The following NOL4L variants were observed in gnomAD, a reference collection of about 807,000 sequenced individuals.
NOL4L encodes the protein nucleolar protein 4-like.
Under a neutral mutation model 64.5 loss-of-function variants are expected in NOL4L, and 7 were observed. The ratio of observed to expected loss-of-function variants is 0.11; its 90% CI spans 0.06 to 0.20. The LOEUF (loss-of-function observed/expected upper bound fraction) is 0.20. Among genes scored for constraint, NOL4L ranks in the 10% least tolerant of loss-of-function variants. The pLI, the probability that NOL4L is intolerant of heterozygous loss-of-function variation, is 1.00. For synonymous variants in NOL4L, 413 were observed against 401.0 expected (o/e 1.03, Z -0.36); for missense variants, 680 against 967.1 (o/e 0.70, Z 3.94).
intron 1 of NOL4L, among the ~76,000 whole-genome samples, chr20:32,567,605 C>T (rs1979506268): frequency 6.6e-6 from 1 of 152,182 alleles, no homozygotes; most frequent in Non-Finnish European, 1.5e-5. Context: ...GGCAGGTGGC[C>T]ATAGCTGGGA....
At chr20:32,449,787 G>T (rs79796556) in intron 10 of NOL4L, 3 of 152,340 alleles carry the variant, frequency 2.0e-5, no homozygotes, top group African/African-American at 7.2e-5. Context: ...AGAGGGATGC[G>T]GGGGAAGAGG....
At position 32,452,454 on chromosome 20, in the gene NOL4L, G is replaced by A. The variant is rs1453284408; in HGVS notation, c.1621-17C>T. The A allele has an allele frequency of 6.5e-7, 1 of 1,543,636 alleles. No homozygotes were observed. Among genetic ancestry groups the A allele is most frequent in the Non-Finnish European group, 8.7e-7 (1 of 1,144,506 alleles). Reference sequence around the variant, plus strand: ...GGGCTCATCCTGCAGAGGGGAGAGGGGGGCGCTGGGGAAACCAAGGGGCAG... The same window carrying A: ...GGGCTCATCCTGCAGAGGGGAGAGGAGGGCGCTGGGGAAACCAAGGGGCAG... On this transcript the variant is annotated splice_polypyrimidine_tract_variant and intron_variant, in intron 9 of 10. Transcript: ENST00000621426.
chr20:32,553,185 G>C (rs1166587986), intron 1 of NOL4L, among the ~76,000 whole-genome samples: 1 of 152,046 alleles, frequency 6.6e-6, no homozygotes, highest in East Asian at 1.9e-4. Flanking sequence ...ACCCCACCAT[G>C]GGCACCATTC....
intron 1 of NOL4L, among the ~76,000 whole-genome samples, chr20:32,551,820 ACT>A (rs1486311716): frequency 1.3e-5 from 2 of 152,006 alleles, no homozygotes; most frequent in Non-Finnish European, 2.9e-5. Flanking sequence ...ACAAGGTCTC[ACT>A]CTGTTTCCCA....
At chr20:32,522,739 G>A (rs1207882497) in intron 2 of NOL4L, among the ~76,000 whole-genome samples, 1 of 152,240 alleles carries the variant, frequency 6.6e-6, no homozygotes, top group African/African-American at 2.4e-5. Flanking sequence ...AAGGGCGTGT[G>A]CTAGGCAGAG....
At chr20:32,468,380 A>G (rs1438623367) in intron 5 of NOL4L, among the ~76,000 whole-genome samples, 1 of 151,292 alleles carries the variant, frequency 6.6e-6, no homozygotes, top group African/African-American at 2.4e-5. Flanking sequence ...GGCATCGGGC[A>G]CCTCCTCCCT....
intron 4 of NOL4L, among the ~76,000 whole-genome samples, chr20:32,502,910 C>CA (rs1402544420): frequency 6.6e-6 from 1 of 151,946 alleles, no homozygotes; most frequent in African/African-American, 2.4e-5. Context: ...AACTCCATCT[C>CA]AAAATAAAAA....
At chr20:32,486,841 A>G (rs1003219357) in intron 4 of NOL4L, 4 of 460,244 alleles carry the variant, frequency 8.7e-6, no homozygotes, top group Non-Finnish European at 1.8e-5. Context: ...TGCTCCCCCA[A>G]CATGCTTCAC....
rs533192084 is a variant in NOL4L at position 32,542,053 on chromosome 20, C to T, written c.322-14140G>A. ...GTCTGGACAGGCGGGTGGTGGGGGG[C>T]GCTAAGCCCAGGAGACAGGTGGCCA... On this transcript the variant is annotated intron_variant, in intron 1 of 10. Transcript: ENST00000621426. Among the ~76,000 whole-genome samples, 63 of 152,272 alleles carry T rather than the reference C, an allele frequency of 4.1e-4. 1 individual carries two copies. The highest frequency in any genetic ancestry group is 1.4e-3 in the African/African-American group (58 of 41,556).
At chr20:32,523,938 GA>G (rs2018035764) in intron 2 of NOL4L, among the ~76,000 whole-genome samples, 1 of 152,174 alleles carries the variant, frequency 6.6e-6, no homozygotes, top group African/African-American at 2.4e-5. Flanking sequence ...CAATTGGGGG[GA>G]TTTGCACCAC....
intron 1 of NOL4L, among the ~76,000 whole-genome samples, chr20:32,538,796 T>C (rs1387627641): frequency 6.6e-6 from 1 of 152,050 alleles, no homozygotes; most frequent in Non-Finnish European, 1.5e-5. Flanking sequence ...GGCCAGGGCG[T>C]CGCTCCCGTC....
At chr20:32,483,132 A>G (rs1228903311) in intron 4 of NOL4L, among the ~76,000 whole-genome samples, 2 of 76,802 alleles carry the variant, frequency 2.6e-5, no homozygotes, top group African/African-American at 1.0e-4. Flanking sequence ...GGGCACACTC[A>G]CCCGCCCCCC....
chr20:32,453,784 A>G lies in NOL4L; in HGVS notation c.1120-23T>C, dbSNP rs1046681285. ...GGACTAAAAGGAGGGCAAGAGGCAG[A>G]GGGTTGGGCCAAGCAGCTGCTCAAG... On this transcript the variant is annotated intron_variant, in intron 6 of 10. Coordinates refer to ENST00000621426, the MANE Select transcript of NOL4L (RefSeq NM_001256798.2). The surrounding 1 kb of genome is among the most constrained non-coding windows in gnomAD (Gnocchi z 5.6). 1 of 1,549,592 alleles carries G rather than the reference A, an allele frequency of 6.5e-7. No homozygotes were observed. Among genetic ancestry groups the G allele is most frequent in the Admixed American group, 2.0e-5 (1 of 50,984 alleles).
chr20:32,537,213 G>T, intron 1 of NOL4L: 1 of 661,272 alleles, frequency 1.5e-6, no homozygotes, highest in South Asian at 6.7e-5. Flanking sequence ...CAGTGCCTCT[G>T]CTGCTCCCCG....
Position 32,479,494 on chromosome 20 carries a change from G to A in NOL4L, c.700-4752C>T, listed in dbSNP as rs1290211150. Among the ~76,000 whole-genome samples the A allele has an allele frequency of 3.9e-5, 6 of 152,334 alleles. No homozygotes were observed. In the East Asian group the frequency reaches 1.2e-3, roughly 29 times the overall value. ...CACCTGTAATGCCAACATTTTGGGA[G>A]GCTGAGGTGAATGAATTGCTTAAGG... On this transcript the variant is annotated intron_variant, in intron 4 of 10. Coordinates refer to ENST00000621426, the MANE Select transcript of NOL4L (RefSeq NM_001256798.2).
intron 1 of NOL4L, among the ~76,000 whole-genome samples, chr20:32,564,336 G>A (rs1354410736): frequency 6.6e-6 from 1 of 152,220 alleles, no homozygotes. Context: ...TGCGTGTGTT[G>A]CTTACAGAAC....
intron 1 of NOL4L, chr20:32,532,463 G>T: frequency 1.4e-6 from 1 of 692,174 alleles, no homozygotes; most frequent in Non-Finnish European, 1.8e-6. Flanking sequence ...ACGTGCCGCA[G>T]ACATCTCTGC....
intron 1 of NOL4L, among the ~76,000 whole-genome samples, chr20:32,543,510 T>G (rs2018687732): frequency 6.6e-6 from 1 of 151,782 alleles, no homozygotes; most frequent in South Asian, 2.1e-4. Context: ...TCTCAGCAAC[T>G]AGGGAGGCTG....
Position 32,453,355 on chromosome 20 carries a change from G to A in NOL4L, c.1446C>T (p.Ile482=). 6.2e-7 allele frequency: 1 copy of A among 1,614,108 alleles called. No individual in the cohort carries two copies. Among genetic ancestry groups the A allele is most frequent in the Non-Finnish European group, 8.5e-7 (1 of 1,180,006 alleles). The change falls in exon 8 of 11, where the codon ATC becomes ATT. Residue 482 remains isoleucine (I), a synonymous_variant. Coordinates refer to ENST00000621426, the MANE Select transcript of NOL4L (RefSeq NM_001256798.2). The surrounding 1 kb of genome is among the most constrained non-coding windows in gnomAD (Gnocchi z 5.6). ...GACGGCAGGACTTGAGGTACGTGCGGATGCGCTTGCGGGCCCGCTCCTGGA... is the reference window on the plus strand; with the variant it reads ...GACGGCAGGACTTGAGGTACGTGCGAATGCGCTTGCGGGCCCGCTCCTGGA... ...PEFQERARKR[I]RTYLKSCRRM... is the part of the protein sequence containing the mutation.
Sources: gnomAD v4.1 joint callset for allele counts (sites outside exome capture counted in the v4.1 genomes callset) on GRCh38, gnomAD v4.1.1 for gene constraint, Gnocchi (gnomAD v3.1) non-coding constraint, MANE v1.5 for transcripts, NCBI Gene and HGNC (gene_info 2026-07-23, HGNC 2026-07-21) for gene names.